Variants in ULK4 observed in about 807,000 individuals in gnomAD.
ULK4 encodes the protein inactive serine/threonine-protein kinase ULK4.
In ULK4, 133 loss-of-function variants were observed where a neutral mutation model predicts 160.6. The ratio of observed to expected loss-of-function variants is 0.83; its 90% CI spans 0.72 to 0.96. ULK4 has a LOEUF of 0.96. Ranked by LOEUF, ULK4 falls within the 40% of genes least tolerant of loss-of-function variation. The pLI, the probability that ULK4 is intolerant of heterozygous loss-of-function variation, is 0.00. For missense variants in ULK4, 1,580 were observed against 1,499.5 expected, an observed-to-expected ratio of 1.05 and a Z score of -0.89; for synonymous variants, 534 against 539.8, an observed-to-expected ratio of 0.99 and a Z score of 0.15.
intron 12 of ULK4, 59 bp from the exon 13 acceptor site, chr3:41,900,888 C>A: frequency 1.6e-6 from 2 of 1,261,414 alleles, no homozygotes; most frequent in Middle Eastern, 2.3e-4. Context: ...CTTTAAAACA[C>A]TGAACCAGTA....
chr3:41,735,938 G>A (rs1253387718), intron 22 of ULK4, among the ~76,000 whole-genome samples: 6 of 146,426 alleles, frequency 4.1e-5, no homozygotes, highest in African/African-American at 1.0e-4. Flanking sequence ...GAGAATATGC[G>A]GTGTTTGGTT....
chr3:41,588,919 T>G lies in ULK4; in HGVS notation c.3121-22789A>C, dbSNP rs116621085. Among the ~76,000 whole-genome samples the G allele has an allele frequency of 4.1e-3, 620 of 152,298 alleles. 7 individuals are homozygous for G. Among genetic ancestry groups the G allele is most frequent in the African/African-American group, 0.014 (602 of 41,574 alleles). On this transcript the variant is annotated intron_variant, in intron 31 of 36. Coordinates refer to ENST00000301831, the MANE Select transcript of ULK4 (RefSeq NM_017886.4). ...GCTATTTCCATTTAGCAAGTTCTCA[T>G]TGAGCAGTATGTGTCCAGTGCCAGC...
chr3:41,776,007 T>C (rs369451605), intron 21 of ULK4, among the ~76,000 whole-genome samples: 1 of 150,952 alleles, frequency 6.6e-6, no homozygotes, highest in Non-Finnish European at 1.5e-5. Context: ...TTTGTACACA[T>C]GTATTTTTTG....
At chr3:41,359,341 T>C (rs944317679) in intron 35 of ULK4, among the ~76,000 whole-genome samples, 4 of 152,148 alleles carry the variant, frequency 2.6e-5, no homozygotes, top group Non-Finnish European at 5.9e-5. Context: ...AAGCTAGAAA[T>C]TGGATGAGCT....
chr3:41,624,516 G>A (rs1431041285), intron 30 of ULK4, among the ~76,000 whole-genome samples: 1 of 152,032 alleles, frequency 6.6e-6, no homozygotes, highest in Admixed American at 6.6e-5. Context: ...TGATGCGCAC[G>A]CTGGCCTGGA....
At chr3:41,566,462 G>T (rs1182867759) in intron 31 of ULK4, among the ~76,000 whole-genome samples, 1 of 152,170 alleles carries the variant, frequency 6.6e-6, no homozygotes, top group Admixed American at 6.5e-5. Context: ...GCTTGAAGAT[G>T]AGTTTGATAT....
At chr3:41,706,374 TA>T (rs200455813) in intron 25 of ULK4, among the ~76,000 whole-genome samples, 2 of 145,764 alleles carry the variant, frequency 1.4e-5, no homozygotes, top group South Asian at 2.1e-4. Context: ...TATATATATT[TA>T]ATATATATAT....
chr3:41,868,612 C>CA (rs1696984421), intron 17 of ULK4, among the ~76,000 whole-genome samples: 1 of 152,176 alleles, frequency 6.6e-6, no homozygotes, highest in South Asian at 2.1e-4. Context: ...CTCAGCCTCC[C>CA]AAATAGCTGC....
intron 30 of ULK4, among the ~76,000 whole-genome samples, chr3:41,647,597 G>T (rs529579104): frequency 2.0e-5 from 3 of 152,294 alleles, no homozygotes; most frequent in African/African-American, 7.2e-5. Flanking sequence ...GTGTCAGTCT[G>T]CCCCTACTCG....
intron 35 of ULK4, among the ~76,000 whole-genome samples, chr3:41,377,610 A>G (rs1433592049): frequency 4.2e-5 from 6 of 143,752 alleles, no homozygotes; most frequent in East Asian, 4.2e-4. Context: ...GCAGCCAAAA[A>G]ACACATGAAA....
intron 31 of ULK4, among the ~76,000 whole-genome samples, chr3:41,611,290 C>T (rs1366858981): frequency 6.6e-6 from 1 of 152,206 alleles, no homozygotes; most frequent in Non-Finnish European, 1.5e-5. Context: ...ATGCAGAGGT[C>T]TCACCCAGGG....
intron 1 of ULK4, chr3:41,955,421 T>C (rs1700449216): frequency 6.6e-6 from 1 of 152,310 alleles, no homozygotes; most frequent in Admixed American, 6.5e-5. Flanking sequence ...CTTCAGCCGC[T>C]GCCGCCATTG....
intron 17 of ULK4, among the ~76,000 whole-genome samples, chr3:41,861,559 T>C (rs1230145459): frequency 6.6e-6 from 1 of 152,190 alleles, no homozygotes; most frequent in African/African-American, 2.4e-5. Context: ...TTTCTCTTGC[T>C]GCTTGTAGGA....
rs1165381982 is a variant in ULK4 at position 41,420,475 on chromosome 3, C to CTTTTTTTTTTTT, written c.3493-22223_3493-22212dup. The stretch of plus-strand genomic sequence containing the variant: ...GGATTTTTCAGTTTTCCAGTTCTTT[C>CTTTTTTTTTTTT]TTTTTTTTTTTTTTTTTTTTTTTTT... On this transcript the variant is annotated intron_variant, in intron 34 of 36. Transcript: ENST00000301831. 7.8e-3 allele frequency among the ~76,000 whole-genome samples: 323 copies of CTTTTTTTTTTTT among 41,188 alleles called. 44 individuals are homozygous for CTTTTTTTTTTTT. The highest frequency in any genetic ancestry group is 0.01 in the Admixed American group (21 of 2,044). 27.0% of individuals were successfully genotyped at this position (41,188 alleles called of 152,430 possible). A position where few individuals can be genotyped will look rare whatever the true frequency, so the allele number is the denominator to read the frequency against.
At chr3:41,306,651 A>C (rs1400333069) in intron 35 of ULK4, among the ~76,000 whole-genome samples, 1 of 152,052 alleles carries the variant, frequency 6.6e-6, no homozygotes, top group South Asian at 2.1e-4. Context: ...AGGTGTGCCC[A>C]ACAGCTCATT....
At chr3:41,450,580 C>T (rs2083403553) in intron 34 of ULK4, among the ~76,000 whole-genome samples, 1 of 152,186 alleles carries the variant, frequency 6.6e-6, no homozygotes, top group Non-Finnish European at 1.5e-5. Flanking sequence ...ATTCTGTTGC[C>T]TTTAGGCCAA....
At chr3:41,529,246 C>A (rs1035397798) in intron 32 of ULK4, among the ~76,000 whole-genome samples, 1 of 152,222 alleles carries the variant, frequency 6.6e-6, no homozygotes, top group East Asian at 1.9e-4. Context: ...TTCCATGATT[C>A]ATTAAAACGA....
chr3:41,615,766 T>G, intron 30 of ULK4, 49 bp from the exon 31 acceptor site: 1 of 1,547,974 alleles, frequency 6.5e-7, no homozygotes, highest in Non-Finnish European at 8.9e-7. Flanking sequence ...CAATTCATAT[T>G]TGCACTGATG....
At chr3:41,922,691 C>G (rs1402064001) in intron 5 of ULK4, among the ~76,000 whole-genome samples, 1 of 151,676 alleles carries the variant, frequency 6.6e-6, no homozygotes, top group Admixed American at 6.6e-5. Context: ...GAAGCAGACA[C>G]CAAGACAGAA....
Sources: allele counts gnomAD v4.1 joint callset (sites outside exome capture counted in the v4.1 genomes callset), GRCh38; gene constraint gnomAD v4.1.1; transcripts MANE v1.5; gene names NCBI Gene and HGNC (gene_info 2026-07-23, HGNC 2026-07-21).